RDH12: variants seen among roughly 807,000 people sequenced by gnomAD.
RDH12 encodes the protein all-trans and 9-cis retinol dehydrogenase.
Under a neutral mutation model 34.0 loss-of-function variants are expected in RDH12, and 21 were observed. The observed-to-expected ratio is 0.62, with a 90% confidence interval of 0.44 to 0.89. RDH12 has a LOEUF of 0.89. RDH12 is among the 40% of genes least tolerant of loss of function. The pLI is 0.00. For missense variants in RDH12, 394 were observed against 398.6 expected (o/e 0.99, Z 0.10); for synonymous variants, 198 against 169.9 (o/e 1.17, Z -1.29).
At chr14:67,714,260 T>G (rs2038042905) in intron 1 of RDH12, among the ~76,000 whole-genome samples, 1 of 152,092 alleles carries the variant, frequency 6.6e-6, no homozygotes. Context: ...CTCAGCCTCT[T>G]GAGTAGCAGG....
chr14:67,725,682 C>T (rs1228121027), intron 5 of RDH12, among the ~76,000 whole-genome samples: 1 of 152,196 alleles, frequency 6.6e-6, no homozygotes, highest in Non-Finnish European at 1.5e-5. Flanking sequence ...CCATGTCTGG[C>T]TTGTGTTACC....
Position 67,726,970 on chromosome 14 carries a change from T to C in RDH12, c.449-11T>C, listed in dbSNP as rs368531149. The stretch of plus-strand genomic sequence containing the variant: ...TCCACTTTCAATCTTCCCTGCTGGC[T>C]CTCCTCACAGGCCACTTCCTCCTCA... On this transcript the variant is annotated splice_polypyrimidine_tract_variant and intron_variant, in intron 6 of 8. Coordinates refer to ENST00000551171, the MANE Select transcript of RDH12 (RefSeq NM_152443.3). 2.5e-6 allele frequency: 4 copies of C among 1,611,426 alleles called. No homozygotes were observed. Among genetic ancestry groups the C allele is most frequent in the African/African-American group, 1.3e-5 (1 of 74,962 alleles).
At chr14:67,705,302 A>C (rs2037939482) in intron 1 of RDH12, among the ~76,000 whole-genome samples, 1 of 152,360 alleles carries the variant, frequency 6.6e-6, no homozygotes, top group South Asian at 2.1e-4. Context: ...TCCATGTTTA[A>C]GACAATCAGT....
chr14:67,716,425 A>T lies in RDH12; in HGVS notation c.-274-4423A>T, dbSNP rs528090799. On this transcript the variant is annotated intron_variant, in intron 1 of 8. Transcript: ENST00000551171. ...ATTCCATTTATGTTAGAAAGTTTTT[A>T]AAAAAGTGAATATGGCAATTTATAA... Among the ~76,000 whole-genome samples the T allele has an allele frequency of 7.2e-5, 11 of 152,350 alleles. No individual in the cohort carries two copies. The South Asian group carries it at 1.9e-3, about 26-fold the overall frequency.
chr14:67,705,537 C>T (rs768966464), intron 1 of RDH12, among the ~76,000 whole-genome samples: 2 of 152,252 alleles, frequency 1.3e-5, no homozygotes, highest in South Asian at 2.1e-4. Context: ...CAACTAAATG[C>T]AATGTGGGGT....
chr14:67,710,089 C>A (rs1214223919), intron 1 of RDH12, among the ~76,000 whole-genome samples: 1 of 152,196 alleles, frequency 6.6e-6, no homozygotes, highest in African/African-American at 2.4e-5. Flanking sequence ...GTTGTTCCAC[C>A]TTTCCAGACT....
intron 1 of RDH12, among the ~76,000 whole-genome samples, chr14:67,720,046 C>A (rs75509977): frequency 0.092 from 14,065 of 152,198 alleles, 672 homozygotes; most frequent in Middle Eastern, 0.2. Flanking sequence ...GACTCTCCCA[C>A]GAGCAATGCA....
intron 1 of RDH12, among the ~76,000 whole-genome samples, chr14:67,709,639 T>A (rs2037988352): frequency 6.6e-6 from 1 of 152,212 alleles, no homozygotes; most frequent in South Asian, 2.1e-4. Context: ...CTTGAGGAGT[T>A]TAATAGCTTT....
rs148499786 is a variant in RDH12, at chr14:67,706,880, T to C, written c.-275+4945T>C. ...GGTTCGTTCCTAGACAGGTAGGTCC[T>C]AAGTTATTAGCAAAGCTCATTTTTA... On this transcript the variant is annotated intron_variant, in intron 1 of 8. Coordinates refer to ENST00000551171, the MANE Select transcript of RDH12 (RefSeq NM_152443.3). 6.2e-4 allele frequency among the ~76,000 whole-genome samples: 95 copies of C among 152,314 alleles called. 1 individual carries two copies. In the East Asian group the frequency reaches 0.018, roughly 29 times the overall value.
At position 67,722,499 on chromosome 14, in the gene RDH12, G is replaced by T. The variant is rs112963728; in HGVS notation, c.-144G>T. On this transcript the variant is annotated 5_prime_UTR_variant, in exon 3 of 9. Coordinates refer to ENST00000551171, the MANE Select transcript of RDH12 (RefSeq NM_152443.3). ...GATTCTGGGCTCTGCTCAGAGTCAGGCTGCTGCTCAGCACCCAGGACGGAG... is the reference window on the plus strand; with the variant it reads ...GATTCTGGGCTCTGCTCAGAGTCAGTCTGCTGCTCAGCACCCAGGACGGAG... 5.4e-5 allele frequency: 42 copies of T among 783,108 alleles called. No individual in the cohort carries two copies. The African/African-American group carries it at 5.8e-4, about 11-fold the overall frequency. 48.5% of individuals were successfully genotyped at this position (783,108 alleles called of 1,614,324 possible).
chr14:67,714,361 T>C (rs949182882), intron 1 of RDH12, among the ~76,000 whole-genome samples: 1 of 152,166 alleles, frequency 6.6e-6, no homozygotes, highest in Non-Finnish European at 1.5e-5. Context: ...GGTCTCAAAC[T>C]CCTTGCCTCA....
At chr14:67,725,308 G>A in intron 5 of RDH12, 54 bp downstream of exon 5, 1 of 1,576,154 alleles carries the variant, frequency 6.3e-7, no homozygotes, top group Non-Finnish European at 8.7e-7. Context: ...GGGAGTGGCT[G>A]CTCCACCCTA....
intron 1 of RDH12, among the ~76,000 whole-genome samples, chr14:67,719,445 G>C (rs2140132650): frequency 6.6e-6 from 1 of 152,232 alleles, no homozygotes; most frequent in South Asian, 2.1e-4. Context: ...CAGGTTATCA[G>C]GGTCTTTTTG....
chr14:67,729,537 A>G, intron 8 of RDH12, 157 bp downstream of exon 8: 1 of 726,392 alleles, frequency 1.4e-6, no homozygotes, highest in Non-Finnish European at 2.4e-6. Context: ...TGTTAAGGAA[A>G]CTTACAGTAC....
chr14:67,707,248 C>G (rs1039226651), intron 1 of RDH12, among the ~76,000 whole-genome samples: 2 of 152,114 alleles, frequency 1.3e-5, no homozygotes, highest in Non-Finnish European at 2.9e-5. Context: ...TCAGTCCAAA[C>G]TGTAGAAAAC....
At chr14:67,710,451 T>G (rs1955473) in intron 1 of RDH12, among the ~76,000 whole-genome samples, 20,378 of 152,242 alleles carry the variant, frequency 0.13, 1,403 homozygotes, top group East Asian at 0.21. Flanking sequence ...TACATAGACC[T>G]TTTGTGACAT....
intron 1 of RDH12, among the ~76,000 whole-genome samples, chr14:67,708,443 A>G (rs1181539675): frequency 1.3e-5 from 2 of 152,180 alleles, no homozygotes; most frequent in Non-Finnish European, 2.9e-5. Flanking sequence ...TCTATAGCTG[A>G]TTATAAAACC....
intron 2 of RDH12, 31 bp from the exon 3 acceptor site, chr14:67,722,393 T>G: frequency 1.7e-6 from 1 of 582,852 alleles, no homozygotes; most frequent in Non-Finnish European, 3.1e-6. Context: ...TAAGTAAGCT[T>G]CAAACCTTGA....
At chr14:67,715,692 T>C (rs999454500) in intron 1 of RDH12, among the ~76,000 whole-genome samples, 1 of 152,246 alleles carries the variant, frequency 6.6e-6, no homozygotes, top group Non-Finnish European at 1.5e-5. Flanking sequence ...CACCATTTAC[T>C]TCTATTGGAA....
Sources: gnomAD v4.1 joint callset for allele counts (sites outside exome capture counted in the v4.1 genomes callset) on GRCh38, gnomAD v4.1.1 for gene constraint, MANE v1.5 for transcripts, NCBI Gene and HGNC (gene_info 2026-07-23, HGNC 2026-07-21) for gene names.